SLCO1A2: variants seen among roughly 807,000 people sequenced by gnomAD.
SLCO1A2 encodes OATP-1.
SLCO1A2 carries 67 observed loss-of-function variants against 69.0 expected under a neutral mutation model. The observed-to-expected ratio is 0.97, with a 90% CI of 0.80 to 1.19. The LOEUF is 1.19. SLCO1A2 is among the 50% of genes most tolerant of loss of function. The pLI is 0.00. For synonymous variants in SLCO1A2, 260 were observed against 265.9 expected, an observed-to-expected ratio of 0.98 and a Z score of 0.22; for missense variants, 787 against 793.7, an observed-to-expected ratio of 0.99 and a Z score of 0.10.
rs1945524335 is a variant in SLCO1A2, at chr12:21,285,186, T to A, written c.1610+6978A>T. On this transcript the variant is annotated intron_variant, in intron 12 of 14. Coordinates refer to ENST00000683939, the MANE Select transcript of SLCO1A2 (RefSeq NM_001386879.1). ...ATGATAAAGGGGATATCACCACCGA[T>A]CCCACAGAAATACAAACTACCATCA... 2.0e-5 allele frequency among the ~76,000 whole-genome samples: 3 copies of A among 150,268 alleles called. No individual in the cohort carries two copies. In the East Asian group the frequency reaches 6.0e-4, roughly 30 times the overall value.
intron 12 of SLCO1A2, among the ~76,000 whole-genome samples, chr12:21,285,354 T>A (rs1384698476): frequency 6.6e-6 from 1 of 151,430 alleles, no homozygotes; most frequent in African/African-American, 2.4e-5. Context: ...GCTGAAATTG[T>A]GGCAATAATC....
intron 6 of SLCO1A2, among the ~76,000 whole-genome samples, chr12:21,303,543 T>C (rs1948982813): frequency 6.6e-6 from 1 of 152,198 alleles, no homozygotes; most frequent in Non-Finnish European, 1.5e-5. Flanking sequence ...TTTTAAAAGA[T>C]ATGCCTACAT....
intron 10 of SLCO1A2, chr12:21,294,471 T>C (rs555991686): frequency 6.3e-6 from 1 of 157,560 alleles, no homozygotes; most frequent in East Asian, 1.8e-4. Context: ...AGGACTAGCA[T>C]GAAGATAAAA....
At chr12:21,406,554 T>A (rs949914317) in intron 1 of SLCO1A2, among the ~76,000 whole-genome samples, 10 of 152,216 alleles carry the variant, frequency 6.6e-5, no homozygotes, top group South Asian at 2.1e-4. Context: ...TTAACAGTTG[T>A]TGAATATTTA....
At chr12:21,381,810 A>G (rs1940604598) in intron 1 of SLCO1A2, among the ~76,000 whole-genome samples, 1 of 152,242 alleles carries the variant, frequency 6.6e-6, no homozygotes, top group South Asian at 2.1e-4. Flanking sequence ...GAAAAAAAAG[A>G]AAAAAGTAGA....
At chr12:21,373,058 T>G (rs1939916568) in intron 2 of SLCO1A2, 3 of 377,050 alleles carry the variant, frequency 8.0e-6, no homozygotes, top group Admixed American at 4.3e-5. Flanking sequence ...AAATGCACAC[T>G]TGGTGTTAAA....
At chr12:21,304,931 C>T (rs1164640018) in intron 5 of SLCO1A2, among the ~76,000 whole-genome samples, 1 of 152,194 alleles carries the variant, frequency 6.6e-6, no homozygotes. Flanking sequence ...AGTTTCTCCA[C>T]AACTCCTGGA....
At chr12:21,357,350 G>T (rs536794033) in intron 2 of SLCO1A2, among the ~76,000 whole-genome samples, 15 of 152,302 alleles carry the variant, frequency 9.8e-5, no homozygotes, top group Non-Finnish European at 1.9e-4. Flanking sequence ...AGGTGATGCT[G>T]CTTCTCCAAA....
At chr12:21,271,378 G>A in intron 14 of SLCO1A2, among the ~76,000 whole-genome samples, 1 of 151,524 alleles carries the variant, frequency 6.6e-6, no homozygotes, top group East Asian at 1.9e-4. Flanking sequence ...CAGATGTTTA[G>A]GATGATATTT....
At chr12:21,410,599 AG>A (rs1364497163) in intron 1 of SLCO1A2, among the ~76,000 whole-genome samples, 1 of 152,280 alleles carries the variant, frequency 6.6e-6, no homozygotes, top group South Asian at 2.1e-4. Context: ...TAAGTGCAAA[AG>A]TTTCTTCTGG....
intron 14 of SLCO1A2, among the ~76,000 whole-genome samples, chr12:21,273,279 A>G (rs1943198430): frequency 6.6e-6 from 1 of 150,636 alleles, no homozygotes. Flanking sequence ...ACAACAAGCT[A>G]CCTGCCCTCT....
At chr12:21,341,435 T>G (rs1314191510) in intron 2 of SLCO1A2, among the ~76,000 whole-genome samples, 2 of 122,666 alleles carry the variant, frequency 1.6e-5, no homozygotes, top group Non-Finnish European at 3.6e-5. Context: ...TGGAATTGAT[T>G]CTTTAAAAAT....
chr12:21,279,819 T>A (rs1944478032), intron 12 of SLCO1A2, among the ~76,000 whole-genome samples: 1 of 152,170 alleles, frequency 6.6e-6, no homozygotes, highest in Admixed American at 6.6e-5. Context: ...ACACTGTAAC[T>A]GTGATGTATA....
chr12:21,332,925 C>T (rs1008714282), intron 2 of SLCO1A2, among the ~76,000 whole-genome samples: 1 of 152,080 alleles, frequency 6.6e-6, no homozygotes, highest in East Asian at 1.9e-4. Flanking sequence ...TTTTGTGAGA[C>T]CTAAATAGAA....
intron 3 of SLCO1A2, among the ~76,000 whole-genome samples, chr12:21,315,269 C>T (rs1350801007): frequency 6.6e-6 from 1 of 152,130 alleles, no homozygotes; most frequent in Non-Finnish European, 1.5e-5. Context: ...TAGACCCCCA[C>T]TTCTACTCAG....
upstream of SLCO1A2, among the ~76,000 whole-genome samples, chr12:21,398,258 A>G (rs1239963346): frequency 4.6e-5 from 7 of 151,520 alleles, no homozygotes; most frequent in East Asian, 1.4e-3. Flanking sequence ...CTACGCAAAT[A>G]AACTAGAAAA....
In SLCO1A2 at chr12:21,377,130, C is replaced by A. The variant is rs900159917; in HGVS notation, c.-189-2605G>T. On this transcript the variant is annotated intron_variant, in intron 1 of 15. Transcript: ENST00000307378. ...AGTTTATAAGTATTATTATGCACTT[C>A]TTCCAGGTGGCTAGAAAAATGTGAT... 6.6e-5 allele frequency among the ~76,000 whole-genome samples: 10 copies of A among 152,230 alleles called. No homozygotes were observed. The East Asian group carries it at 9.7e-4, about 15-fold the overall frequency.
chr12:21,291,367 G>A (rs1352997091), intron 12 of SLCO1A2, among the ~76,000 whole-genome samples: 1 of 152,142 alleles, frequency 6.6e-6, no homozygotes, highest in African/African-American at 2.4e-5. Context: ...TAAGTGAGCA[G>A]CTATGGTGAC....
rs752851835 is a variant in SLCO1A2 at position 21,295,704 on chromosome 12, G to A, written c.1164C>T (p.Ala388=). 2 of 1,608,708 alleles carry A rather than the reference G, an allele frequency of 1.2e-6. No individual in the cohort carries two copies. The highest frequency in any genetic ancestry group is 1.1e-5 in the South Asian group (1 of 90,936). Residue 388 remains alanine (A), a synonymous_variant, in exon 10 of 15, where the codon GCC becomes GCT. Coordinates refer to ENST00000683939, the MANE Select transcript of SLCO1A2 (RefSeq NM_001386879.1). The part of the protein sequence containing the change: ...KKFKITVKQA[A]HIGCWLSLLE... ...GTAAGGATAACCAACATCCTATGTG[G>A]GCAGCTTGTTTGACAGTAATCTTGA...
Sources: allele counts gnomAD v4.1 joint callset (sites outside exome capture counted in the v4.1 genomes callset), GRCh38; gene constraint gnomAD v4.1.1; transcripts MANE v1.5; gene names NCBI Gene and HGNC (gene_info 2026-07-23, HGNC 2026-07-21).